SORCS2: variants seen among roughly 807,000 people sequenced by gnomAD.
SORCS2 encodes the protein VPS10 domain-containing receptor SorCS2.
In SORCS2, 100 loss-of-function variants were observed where a neutral mutation model predicts 141.6. The observed-to-expected ratio is 0.71, with a 90% CI of 0.60 to 0.83. The LOEUF (loss-of-function observed/expected upper bound fraction) is 0.83. SORCS2 is among the 40% of genes least tolerant of loss of function. The pLI, the probability that SORCS2 is intolerant of heterozygous loss-of-function variation, is 0.00. For synonymous variants in SORCS2, 789 were observed against 676.9 expected, an observed-to-expected ratio of 1.17 and a Z score of -2.57; for missense variants, 1,646 against 1,560.2, an observed-to-expected ratio of 1.05 and a Z score of -0.93.
chr4:7,266,320 C>T lies in SORCS2; in HGVS notation c.480+73194C>T, dbSNP rs566131602. Among the ~76,000 whole-genome samples the T allele has an allele frequency of 5.9e-5, 9 of 152,290 alleles. No individual in the cohort carries two copies. The South Asian group carries it at 1.2e-3, about 21-fold the overall frequency. The stretch of plus-strand genomic sequence containing the variant: ...ATGCTGGACTCCTCTGGTGAAGTGT[C>T]GGAGCTTCCTACCCGAGCCCTGGCT... On this transcript the variant is annotated intron_variant, in intron 1 of 26. Coordinates refer to ENST00000507866, the MANE Select transcript of SORCS2 (RefSeq NM_020777.3).
At chr4:7,579,333 C>T (rs371893120) in intron 3 of SORCS2, among the ~76,000 whole-genome samples, 8 of 152,212 alleles carry the variant, frequency 5.3e-5, no homozygotes, top group South Asian at 4.2e-4. Flanking sequence ...AAATCCCATG[C>T]GCTGGGCTAG....
intron 2 of SORCS2, among the ~76,000 whole-genome samples, chr4:7,515,686 C>T (rs542576354): frequency 2.6e-5 from 4 of 152,124 alleles, no homozygotes; most frequent in African/African-American, 9.7e-5. Context: ...GCAGCATTCA[C>T]GGACCAGTTT....
At chr4:7,476,950 G>C (rs931430798) in intron 2 of SORCS2, among the ~76,000 whole-genome samples, 1 of 152,228 alleles carries the variant, frequency 6.6e-6, no homozygotes, top group Admixed American at 6.5e-5. Context: ...GAGCTCCCTT[G>C]CTGTCCAGGC....
intron 1 of SORCS2, among the ~76,000 whole-genome samples, chr4:7,359,201 C>A (rs778924111): frequency 5.9e-5 from 9 of 152,198 alleles, no homozygotes; most frequent in Non-Finnish European, 1.2e-4. Context: ...GAGGCTGAGG[C>A]AGGAGAATTG....
chr4:7,340,774 T>C (rs940945233), intron 1 of SORCS2, among the ~76,000 whole-genome samples: 5 of 148,530 alleles, frequency 3.4e-5, no homozygotes, highest in African/African-American at 9.7e-5. Flanking sequence ...CCAGGGGGCA[T>C]TTAGTGACGC....
intron 12 of SORCS2, among the ~76,000 whole-genome samples, chr4:7,698,813 G>A (rs1287682225): frequency 6.6e-6 from 1 of 152,126 alleles, no homozygotes; most frequent in East Asian, 1.9e-4. Context: ...CAAGGGGCAG[G>A]CCTGTGCGTG....
At chr4:7,202,407 TCTC>T (rs986510279) in intron 1 of SORCS2, among the ~76,000 whole-genome samples, 10 of 151,752 alleles carry the variant, frequency 6.6e-5, no homozygotes, top group African/African-American at 2.4e-4. Flanking sequence ...AGGTGGAAAA[TCTC>T]CTTCTTATTT....
chr4:7,508,453 T>C (rs1471754462), intron 2 of SORCS2, among the ~76,000 whole-genome samples: 1 of 148,910 alleles, frequency 6.7e-6, no homozygotes, highest in Non-Finnish European at 1.5e-5. Context: ...CGGGTTCAAG[T>C]GATTCTCCTG....
chr4:7,285,765 C>T (rs1008112694), intron 1 of SORCS2, among the ~76,000 whole-genome samples: 2 of 152,234 alleles, frequency 1.3e-5, no homozygotes, highest in African/African-American at 2.4e-5. Context: ...GGCAGATCCC[C>T]GTTTCTTTTA....
intron 1 of SORCS2, among the ~76,000 whole-genome samples, chr4:7,367,625 G>T (rs906445734): frequency 2.6e-5 from 4 of 152,206 alleles, no homozygotes; most frequent in African/African-American, 9.6e-5. Flanking sequence ...TGCATCAGTA[G>T]GATTTGCCCC....
intron 3 of SORCS2, among the ~76,000 whole-genome samples, chr4:7,565,840 GA>G (rs1714945980): frequency 2.7e-5 from 1 of 37,688 alleles, no homozygotes; most frequent in African/African-American, 4.4e-5. Context: ...TGATGATGGT[GA>G]TGGTGATGAT....
At chr4:7,661,088 G>T (rs1339999912) in intron 5 of SORCS2, among the ~76,000 whole-genome samples, 1 of 152,186 alleles carries the variant, frequency 6.6e-6, no homozygotes, top group East Asian at 1.9e-4. Context: ...TCCCAGGCCT[G>T]CCTGCCTCCT....
chr4:7,417,279 C>T lies in SORCS2; in HGVS notation c.548+20924C>T, dbSNP rs747932794. Among the ~76,000 whole-genome samples the T allele has an allele frequency of 8.3e-4, 127 of 152,126 alleles. 2 individuals are homozygous for T. The highest frequency in any genetic ancestry group is 2.6e-4 in the Non-Finnish European group (18 of 68,024). ...TTTTATAAGGGTCCTTGTGGAGTGGCTGAGAGATGGCAGCGCCAGGAAGCC... is the reference window on the plus strand; with the variant it reads ...TTTTATAAGGGTCCTTGTGGAGTGGTTGAGAGATGGCAGCGCCAGGAAGCC... On this transcript the variant is annotated intron_variant, in intron 2 of 26. Transcript: ENST00000507866.
chr4:7,243,085 C>A (rs1016041815), intron 1 of SORCS2, among the ~76,000 whole-genome samples: 1 of 152,144 alleles, frequency 6.6e-6, no homozygotes, highest in Non-Finnish European at 1.5e-5. Context: ...GAGGTGCTGA[C>A]CCCACCCCAC....
At chr4:7,239,812 C>A (rs891622929) in intron 1 of SORCS2, among the ~76,000 whole-genome samples, 2 of 152,222 alleles carry the variant, frequency 1.3e-5, no homozygotes, top group African/African-American at 4.8e-5. Context: ...TCTTTGATTT[C>A]TTTATCTTTG....
At chr4:7,703,068 C>T (rs2359630) in intron 12 of SORCS2, among the ~76,000 whole-genome samples, 38,664 of 152,188 alleles carry the variant, frequency 0.25, 4,997 homozygotes, top group East Asian at 0.32. Flanking sequence ...AGTTGCTGTC[C>T]GCCATTCAGT....
chr4:7,619,410 C>A (rs1172865108), intron 3 of SORCS2, among the ~76,000 whole-genome samples: 5 of 152,124 alleles, frequency 3.3e-5, no homozygotes, highest in Non-Finnish European at 5.9e-5. Flanking sequence ...AGCGTGGCTT[C>A]CCCAGACATT....
chr4:7,457,860 G>T (rs1186859747), intron 2 of SORCS2, among the ~76,000 whole-genome samples: 1 of 152,236 alleles, frequency 6.6e-6, no homozygotes, highest in Non-Finnish European at 1.5e-5. Context: ...TTTTTGAGCT[G>T]ACACAGCTGC....
chr4:7,574,822 C>A (rs1715641338), intron 3 of SORCS2, among the ~76,000 whole-genome samples: 1 of 152,188 alleles, frequency 6.6e-6, no homozygotes, highest in African/African-American at 2.4e-5. Flanking sequence ...GGCATGCTGT[C>A]CCCAGGGATG....
Sources: allele counts gnomAD v4.1 joint callset (sites outside exome capture counted in the v4.1 genomes callset), GRCh38; gene constraint gnomAD v4.1.1; transcripts MANE v1.5; gene names NCBI Gene and HGNC (gene_info 2026-07-23, HGNC 2026-07-21).